The following C12orf56 variants were observed in gnomAD, a reference collection of about 807,000 sequenced individuals.
The protein encoded by C12orf56 is uncharacterized protein C12orf56.
A neutral mutation model predicts 69.9 loss-of-function variants in C12orf56; 71 were observed. The ratio of observed to expected loss-of-function variants is 1.02; its 90% CI spans 0.84 to 1.24. The LOEUF (loss-of-function observed/expected upper bound fraction) is 1.24. Ranked by LOEUF, C12orf56 falls within the 50% of genes most tolerant of loss-of-function variation. The pLI is 0.00. For synonymous variants in C12orf56, 276 were observed against 274.1 expected (o/e 1.01, Z -0.07); for missense variants, 732 against 738.5 (o/e 0.99, Z 0.10).
intron 1 of C12orf56, among the ~76,000 whole-genome samples, chr12:64,359,073 G>T (rs2039361789): frequency 6.6e-6 from 1 of 152,116 alleles, no homozygotes. Context: ...TCTGAAGCAG[G>T]TCATAAAATC....
intron 5 of C12orf56, among the ~76,000 whole-genome samples, chr12:64,308,064 A>G (rs1362746621): frequency 6.6e-6 from 1 of 152,042 alleles, no homozygotes; most frequent in Non-Finnish European, 1.5e-5. Context: ...CGTGCCTGTA[A>G]TCCTAGCACT....
chr12:64,314,304 G>T (rs921825036), intron 4 of C12orf56, among the ~76,000 whole-genome samples: 2 of 151,934 alleles, frequency 1.3e-5, no homozygotes, highest in Non-Finnish European at 2.9e-5. Context: ...TGTTGACCAG[G>T]CTGGTCTTGA....
chr12:64,330,345 A>T (rs905576680), intron 3 of C12orf56, among the ~76,000 whole-genome samples: 4 of 152,180 alleles, frequency 2.6e-5, no homozygotes, highest in African/African-American at 9.7e-5. Context: ...CATGGGGCTA[A>T]CTAACACATG....
At chr12:64,306,828 C>T (rs530475951) in intron 5 of C12orf56, among the ~76,000 whole-genome samples, 1 of 152,260 alleles carries the variant, frequency 6.6e-6, no homozygotes, top group Non-Finnish European at 1.5e-5. Context: ...CAGTGGTCAG[C>T]TTGCAGAACC....
chr12:64,390,501 C>T lies in C12orf56; in HGVS notation c.65G>A (p.Arg22Gln). The T allele has an allele frequency of 1.2e-6, 2 of 1,601,320 alleles. No homozygotes were observed. The highest frequency in any genetic ancestry group is 1.7e-6 in the Non-Finnish European group (2 of 1,179,506). ...GTAGACCTCGGGCGGCAGATGCCGCCGCAGGAACACATCCAGGCGGCTGTT... is the reference window on the plus strand; with the variant it reads ...GTAGACCTCGGGCGGCAGATGCCGCTGCAGGAACACATCCAGGCGGCTGTT... Reference protein sequence around the residue: ...RRNSRLDVFLRRHLPPEVYDA... With the variant: ...RRNSRLDVFLQRHLPPEVYDA... Residue 22 changes from arginine to glutamine, a missense_variant, in exon 1 of 13, where the codon CGG (arginine) becomes CAG (glutamine). Coordinates refer to ENST00000543942, the MANE Select transcript of C12orf56 (RefSeq NM_001170633.2).
intron 1 of C12orf56, among the ~76,000 whole-genome samples, chr12:64,367,036 A>G (rs1263036616): frequency 0.012 from 184 of 15,630 alleles, 2 homozygotes; most frequent in African/African-American, 0.055. Context: ...TATATTATAT[A>G]TAACATACAC....
intron 1 of C12orf56, among the ~76,000 whole-genome samples, chr12:64,373,028 T>C (rs2039594280): frequency 6.6e-6 from 1 of 152,218 alleles, no homozygotes; most frequent in African/African-American, 2.4e-5. Context: ...TGCAATATTC[T>C]GCTTATTATA....
chr12:64,327,591 C>G (rs1287453662), intron 3 of C12orf56, among the ~76,000 whole-genome samples: 1 of 152,142 alleles, frequency 6.6e-6, no homozygotes, highest in Non-Finnish European at 1.5e-5. Flanking sequence ...ATGTGTGGCC[C>G]CATTCTGCAC....
intron 4 of C12orf56, among the ~76,000 whole-genome samples, chr12:64,313,228 T>G (rs369160062): frequency 6.3e-5 from 8 of 127,772 alleles, no homozygotes; most frequent in Non-Finnish European, 1.3e-4. Context: ...CACCACTGCA[T>G]TCCAGCCTCT....
Position 64,267,246 on chromosome 12 carries a change from C to T in C12orf56, c.1806G>A (p.Leu602=), listed in dbSNP as rs774326737. The change falls in exon 13 of 13, where the codon TTG becomes TTA. Residue 602 remains leucine, a synonymous_variant. Transcript: ENST00000543942. ...HMPALQKRLP[L]CYPITQPTIQ... is the part of the protein sequence containing the mutation. ...TGGTAGGTTGAGTGATGGGGTAACA[C>T]AATGGGAGCCTTTTCTGCAAGGCTG... is the stretch of plus-strand genomic sequence containing the variant. The T allele has an allele frequency of 6.2e-7, 1 of 1,612,424 alleles. No homozygotes were observed. Among genetic ancestry groups the T allele is most frequent in the South Asian group, 1.1e-5 (1 of 90,490 alleles).
chr12:64,318,591 C>T lies in C12orf56; in HGVS notation c.878G>A (p.Trp293Ter). The T allele has an allele frequency of 6.5e-7, 1 of 1,533,708 alleles. No homozygotes were observed. Among genetic ancestry groups the T allele is most frequent in the Non-Finnish European group, 8.7e-7 (1 of 1,144,818 alleles). Residue 293 changes from tryptophan to a stop codon, truncating the protein, a stop_gained, in exon 4 of 13, where the codon TGG becomes TAG. Coordinates refer to ENST00000543942, the MANE Select transcript of C12orf56 (RefSeq NM_001170633.2). LOFTEE classifies it high-confidence loss of function. The part of the protein sequence containing the change: ...SSIFLHLKSS[W>*]NNYIIKATLL... ...GACACTTACTATAATATAATTGTTC[C>T]ATGAACTTTTTAAGTGCAGAAATAT... is the stretch of plus-strand genomic sequence containing the variant.
chr12:64,318,259 C>T (rs1407736830), intron 4 of C12orf56, among the ~76,000 whole-genome samples: 2 of 152,060 alleles, frequency 1.3e-5, no homozygotes, highest in Non-Finnish European at 2.9e-5. Context: ...ACAAGGGTTT[C>T]ACCATCTTGG....
At chr12:64,273,020 G>A (rs540118228) in intron 11 of C12orf56, among the ~76,000 whole-genome samples, 5 of 152,256 alleles carry the variant, frequency 3.3e-5, no homozygotes, top group East Asian at 1.9e-4. Flanking sequence ...AGAACAGGCC[G>A]GGCACAGTGG....
At chr12:64,370,869 C>T (rs1350567115) in intron 1 of C12orf56, among the ~76,000 whole-genome samples, 3 of 151,758 alleles carry the variant, frequency 2.0e-5, no homozygotes, top group African/African-American at 7.3e-5. Context: ...AGCCCAGAGC[C>T]AGGCATGGCA....
At chr12:64,386,806 C>T (rs1201662088) in intron 1 of C12orf56, among the ~76,000 whole-genome samples, 1 of 151,146 alleles carries the variant, frequency 6.6e-6, no homozygotes, top group Non-Finnish European at 1.5e-5. Flanking sequence ...GCTGGGATTA[C>T]AGGTGTGACC....
At chr12:64,364,843 G>A (rs1026136952) in intron 1 of C12orf56, among the ~76,000 whole-genome samples, 2 of 151,974 alleles carry the variant, frequency 1.3e-5, no homozygotes, top group Non-Finnish European at 2.9e-5. Flanking sequence ...GGCATGAGCC[G>A]TTGGCTGCCT....
At chr12:64,305,347 G>T (rs139349699) in intron 5 of C12orf56, among the ~76,000 whole-genome samples, 6 of 152,192 alleles carry the variant, frequency 3.9e-5, no homozygotes, top group African/African-American at 1.4e-4. Flanking sequence ...TAGGAATAAT[G>T]ATAGTACCTA....
chr12:64,286,461 C>A, intron 6 of C12orf56, among the ~76,000 whole-genome samples: 1 of 152,194 alleles, frequency 6.6e-6, no homozygotes, highest in East Asian at 1.9e-4. Flanking sequence ...TAAGCAAGTT[C>A]TCGTTTTAAA....
In C12orf56 at chr12:64,303,708, CT is replaced by C. The variant is rs1408678768; in HGVS notation, c.1039del (p.Arg347GlyfsTer11). 1 of 1,579,260 alleles carries C rather than the reference CT, an allele frequency of 6.3e-7. No homozygotes were observed. Among genetic ancestry groups the C allele is most frequent in the Non-Finnish European group, 8.6e-7 (1 of 1,162,648 alleles). On this transcript the variant is annotated frameshift_variant, in exon 6 of 13. Transcript: ENST00000543942. LOFTEE classifies it high-confidence loss of function. ...ELFLKDNSLR[R>X]ILSLLMELKV... ...AAGTTCCATAAGTAAAGAAAGTATC[CT>C]CCTCAAAGAATTGTCTTTAAGAAAA...
Sources: allele counts gnomAD v4.1 joint callset (sites outside exome capture counted in the v4.1 genomes callset), GRCh38; gene constraint gnomAD v4.1.1; transcripts MANE v1.5; gene names NCBI Gene and HGNC (gene_info 2026-07-23, HGNC 2026-07-21).